Variants in CDHR2 observed in about 807,000 individuals in gnomAD.
The protein encoded by CDHR2 is cadherin-related family member 2.
Under a neutral mutation model 138.6 loss-of-function variants are expected in CDHR2, and 104 were observed. That is an observed-to-expected ratio of 0.75 (90% confidence interval 0.64 to 0.88). The LOEUF (loss-of-function observed/expected upper bound fraction) is 0.88. Among genes scored for constraint, CDHR2 ranks in the 40% least tolerant of loss-of-function variants. The pLI is 0.00. For missense variants in CDHR2, 1,624 were observed against 1,727.6 expected (o/e 0.94, Z 1.06); for synonymous variants, 755 against 742.8 (o/e 1.02, Z -0.27).
upstream of CDHR2, among the ~76,000 whole-genome samples, chr5:176,548,057 T>C (rs2113242917): frequency 6.6e-6 from 1 of 152,292 alleles, no homozygotes; most frequent in South Asian, 2.1e-4. Context: ...CCACCGCCTG[T>C]GCTCCTGGGC....
upstream of CDHR2, chr5:176,547,583 G>C (rs1228163837): frequency 6.6e-6 from 1 of 152,092 alleles, no homozygotes; most frequent in Non-Finnish European, 1.5e-5. Context: ...TCTGCTCCTT[G>C]GGGTTCACCA....
At chr5:176,544,327 C>G (rs1314934364) in intron 1 of CDHR2, among the ~76,000 whole-genome samples, 1 of 151,078 alleles carries the variant, frequency 6.6e-6, no homozygotes, top group African/African-American at 2.4e-5. Context: ...TTCTTTCTTT[C>G]TTTTCCTTCC....
chr5:176,589,126 G>A lies in CDHR2; in HGVS notation c.2952G>A (p.Gln984=), dbSNP rs756590418. 3.1e-6 allele frequency: 5 copies of A among 1,614,072 alleles called. No individual in the cohort carries two copies. The highest frequency in any genetic ancestry group is 4.2e-6 in the Non-Finnish European group (5 of 1,180,038). ...AGGACGGGGCCACCATCCCTTTCCA[G>A]GGTGTCTTCTCGATCTTCACCTCCT... ...ISKDGATIPF[Q]GVFSIFTSSE... Residue 984 remains glutamine, a synonymous_variant, in exon 22 of 32, where the codon CAG becomes CAA. Coordinates refer to ENST00000261944, the MANE Select transcript of CDHR2 (RefSeq NM_017675.6).
intron 1 of CDHR2, among the ~76,000 whole-genome samples, chr5:176,563,373 C>T (rs760851140): frequency 3.3e-5 from 5 of 151,926 alleles, no homozygotes; most frequent in Admixed American, 2.0e-4. Flanking sequence ...AAAAAGGCTG[C>T]GGTTATGGCT....
intron 1 of CDHR2, 113 bp downstream of exon 1, chr5:176,549,527 G>C (rs1005516864): frequency 6.6e-6 from 1 of 152,280 alleles, no homozygotes; most frequent in African/African-American, 2.4e-5. Context: ...CCTGAAGCTG[G>C]GCAGGGGAAG....
intron 1 of CDHR2, among the ~76,000 whole-genome samples, chr5:176,556,202 A>C (rs990588943): frequency 6.6e-6 from 1 of 151,976 alleles, no homozygotes; most frequent in Admixed American, 6.6e-5. Context: ...TGGGCATTTA[A>C]TTTTTAAAAA....
chr5:176,572,367 A>G (rs1758257653), intron 6 of CDHR2, among the ~76,000 whole-genome samples: 2 of 143,138 alleles, frequency 1.4e-5, no homozygotes, highest in Non-Finnish European at 3.1e-5. Flanking sequence ...CAGCCTGGGC[A>G]ACAAGAACAA....
intron 1 of CDHR2, among the ~76,000 whole-genome samples, chr5:176,557,795 C>T (rs1757871876): frequency 6.6e-6 from 1 of 151,338 alleles, no homozygotes; most frequent in Admixed American, 6.6e-5. Flanking sequence ...GCAACATCTG[C>T]CTTCCAGGTT....
At chr5:176,563,020 A>G (rs554098592) in intron 1 of CDHR2, among the ~76,000 whole-genome samples, 2 of 152,210 alleles carry the variant, frequency 1.3e-5, no homozygotes, top group Admixed American at 6.5e-5. Context: ...TTATCAGGAG[A>G]AAGTTACTGA....
intron 1 of CDHR2, among the ~76,000 whole-genome samples, chr5:176,554,034 C>A (rs572251776): frequency 6.6e-6 from 1 of 152,292 alleles, no homozygotes; most frequent in South Asian, 2.1e-4. Flanking sequence ...TTACTAATTC[C>A]CCTGAGCGGT....
chr5:176,571,194 T>G lies in CDHR2; in HGVS notation c.316-19T>G, dbSNP rs1349441671. The G allele has an allele frequency of 1.3e-6, 2 of 1,583,874 alleles. No homozygotes were observed. The highest frequency in any genetic ancestry group is 8.7e-7 in the Non-Finnish European group (1 of 1,154,114). On this transcript the variant is annotated intron_variant, in intron 5 of 31. Transcript: ENST00000261944. The stretch of plus-strand genomic sequence containing the variant: ...TTAAATCCTATTTTCTGGGGTCCCC[T>G]GGGCTTTCTCACTTGCAGGTGCAGA...
In CDHR2 at chr5:176,584,485, C is replaced by T. The variant is rs376123961; in HGVS notation, c.2204C>T (p.Ser735Leu). 1.5e-5 allele frequency: 24 copies of T among 1,612,488 alleles called. No homozygotes were observed. The highest frequency in any genetic ancestry group is 5.3e-5 in the African/African-American group (4 of 74,902). Residue 735 changes from serine to leucine, a missense_variant, in exon 19 of 32, where the codon TCG becomes TTG. Transcript: ENST00000261944. ...EANNRISFSLSGSGANYFMIR... is the reference protein window; with the variant it reads ...EANNRISFSLLGSGANYFMIR... ...AACAACCGCATCAGCTTCAGCCTGTCGGGGAGTGGTGCCAACTACTTCATG... is the reference window on the plus strand; with the variant it reads ...AACAACCGCATCAGCTTCAGCCTGTTGGGGAGTGGTGCCAACTACTTCATG...
intron 1 of CDHR2, among the ~76,000 whole-genome samples, chr5:176,542,959 C>G (rs886420865): frequency 1.3e-5 from 2 of 151,920 alleles, no homozygotes; most frequent in Non-Finnish European, 2.9e-5. Flanking sequence ...GGGTCCCAGC[C>G]GCAGCTGGGA....
intron 21 of CDHR2, among the ~76,000 whole-genome samples, chr5:176,588,664 A>AGT (rs373642733): frequency 7.4e-4 from 103 of 138,742 alleles, no homozygotes; most frequent in South Asian, 4.7e-3. Context: ...AGTGTGTGAG[A>AGT]GTGTGTGTGT....
chr5:176,544,410 TTTC>T (rs892144896), upstream of CDHR2, among the ~76,000 whole-genome samples: 1 of 147,862 alleles, frequency 6.8e-6, no homozygotes, highest in Non-Finnish European at 1.5e-5. Flanking sequence ...TTCTATTTCC[TTTC>T]TTCTTTTCCT....
intron 16 of CDHR2, among the ~76,000 whole-genome samples, chr5:176,579,000 A>G (rs1415595423): frequency 6.6e-6 from 1 of 152,198 alleles, no homozygotes; most frequent in East Asian, 1.9e-4. Flanking sequence ...TAAAATTAGA[A>G]CCCAGTGCTA....
rs1391666651 is a variant in CDHR2, at chr5:176,590,629, G to A, written c.3481G>A (p.Val1161Met). The A allele has an allele frequency of 2.5e-6, 4 of 1,613,906 alleles. No homozygotes were observed. The highest frequency in any genetic ancestry group is 1.7e-5 in the Admixed American group (1 of 60,008). Residue 1161 changes from valine to methionine, a missense_variant, in exon 28 of 32, where the codon GTG (valine) becomes ATG (methionine). By Grantham distance (21) the Val-to-Met change is conservative (BLOSUM62 1). Transcript: ENST00000261944. ...QLISVIIGLG[V>M]ALLLVLVIMT... ...CATCAGTGTCATCATAGGATTGGGAGTGGCTTTGCTGCTGGTCCTTGTGAT... is the reference window on the plus strand; with the variant it reads ...CATCAGTGTCATCATAGGATTGGGAATGGCTTTGCTGCTGGTCCTTGTGAT...
chr5:176,555,438 A>C (rs1757799310), intron 1 of CDHR2, among the ~76,000 whole-genome samples: 1 of 152,242 alleles, frequency 6.6e-6, no homozygotes, highest in African/African-American at 2.4e-5. Context: ...GCTCATCTGC[A>C]AAATGAGTTG....
chr5:176,546,744 T>C (rs1439072636), upstream of CDHR2, among the ~76,000 whole-genome samples: 2 of 28,736 alleles, frequency 7.0e-5, no homozygotes, highest in African/African-American at 2.7e-4. Context: ...AACATGGTGC[T>C]CAAAAAAAAA....
Sources: allele counts gnomAD v4.1 joint callset (sites outside exome capture counted in the v4.1 genomes callset), GRCh38; gene constraint gnomAD v4.1.1; transcripts MANE v1.5; gene names NCBI Gene and HGNC (gene_info 2026-07-23, HGNC 2026-07-21).